FBXO25: variants seen among roughly 807,000 people sequenced by gnomAD.
The protein encoded by FBXO25 is F-box protein 25.
Under a neutral mutation model 51.9 loss-of-function variants are expected in FBXO25, and 45 were observed. The observed-to-expected ratio is 0.87, with a 90% confidence interval of 0.68 to 1.11. The LOEUF is 1.11. FBXO25 is among the 50% of genes most tolerant of loss of function. The pLI, the probability that FBXO25 is intolerant of heterozygous loss-of-function variation, is 0.00. For synonymous variants in FBXO25, 199 were observed against 151.0 expected, an observed-to-expected ratio of 1.32 and a Z score of -2.33; for missense variants, 507 against 428.5, an observed-to-expected ratio of 1.18 and a Z score of -1.62.
chr8:436,505 G>A (rs1208913064), intron 5 of FBXO25, among the ~76,000 whole-genome samples: 1 of 152,228 alleles, frequency 6.6e-6, no homozygotes, highest in Non-Finnish European at 1.5e-5. Context: ...CTTCTGAGCA[G>A]AATTTCCAGG....
rs570785467 is a variant in FBXO25, at chr8:473,574, C to G, written c.*4770C>G. ...GTACTTGGTCCTCTTCCTTCCAATC[C>G]TCACTGGCTCAAATCCACAGAGTGA... On this transcript the variant is annotated 3_prime_UTR_variant, in exon 10 of 10. Transcript: ENST00000350302. 1 of 152,292 alleles carries G rather than the reference C, an allele frequency of 6.6e-6. No individual in the cohort carries two copies. The allele number at this position is 152,292 out of a possible 1,614,324, so 9.4% of individuals were successfully genotyped here.
intron 2 of FBXO25, among the ~76,000 whole-genome samples, chr8:420,834 G>T (rs1797107395): frequency 6.6e-6 from 1 of 152,186 alleles, no homozygotes; most frequent in African/African-American, 2.4e-5. Flanking sequence ...GGAGTGATGG[G>T]ACTGTGTTAG....
chr8:451,231 A>T, intron 6 of FBXO25, 38 bp from the exon 7 acceptor site: 1 of 1,548,930 alleles, frequency 6.5e-7, no homozygotes, highest in South Asian at 1.2e-5. Flanking sequence ...GTGTTGCTTA[A>T]CTGTATCAAT....
At chr8:407,724 C>T (rs904865235) in intron 1 of FBXO25, among the ~76,000 whole-genome samples, 6 of 151,960 alleles carry the variant, frequency 3.9e-5, no homozygotes, top group African/African-American at 9.7e-5. Context: ...CACTCTGCCC[C>T]GTCTGCTGCT....
In FBXO25 at chr8:426,431, G is replaced by C. The variant is rs576545712; in HGVS notation, c.135-4910G>C. On this transcript the variant is annotated intron_variant, in intron 2 of 9. Coordinates refer to ENST00000350302, the MANE Select transcript of FBXO25 (RefSeq NM_183420.2). ...CACGAGTCCAGTTTTCATCATTTCT[G>C]ATTTTACAGACATGCATTCTTAAGG... is the stretch of plus-strand genomic sequence containing the variant. Among the ~76,000 whole-genome samples the C allele has an allele frequency of 5.9e-5, 9 of 151,930 alleles. No individual in the cohort carries two copies. In the East Asian group the frequency reaches 1.6e-3, roughly 26 times the overall value.
chr8:442,038 C>A (rs1798456557), intron 5 of FBXO25, among the ~76,000 whole-genome samples: 1 of 152,118 alleles, frequency 6.6e-6, no homozygotes, highest in African/African-American at 2.4e-5. Context: ...TTAGATGGAA[C>A]TGTTGAAAAG....
At chr8:462,946 C>G in intron 8 of FBXO25, 61 bp from the exon 9 acceptor site, 4 of 1,537,050 alleles carry the variant, frequency 2.6e-6, no homozygotes, top group East Asian at 2.3e-5. Flanking sequence ...AAGTTTTACA[C>G]CTAATATTAT....
At chr8:428,841 T>A (rs1797649499) in intron 2 of FBXO25, among the ~76,000 whole-genome samples, 1 of 152,194 alleles carries the variant, frequency 6.6e-6, no homozygotes, top group Non-Finnish European at 1.5e-5. Flanking sequence ...GTCCTCAAGT[T>A]TCAGCCCTGT....
In FBXO25 at chr8:475,550, C is replaced by T. The variant is rs1011020575; in HGVS notation, c.*6746C>T. The T allele has an allele frequency of 6.6e-6, 1 of 152,114 alleles. No homozygotes were observed. The highest frequency in any genetic ancestry group is 1.5e-5 in the Non-Finnish European group (1 of 68,018). The allele number at this position is 152,114 out of a possible 1,614,324, so 9.4% of individuals were successfully genotyped here. A position where few individuals can be genotyped will look rare whatever the true frequency, so the allele number is the denominator to read the frequency against. ...CATCTTAAGGTATCCAATCCATAAA[C>T]ACGGGATTGCTTTCTATTTATTTGT... On this transcript the variant is annotated 3_prime_UTR_variant, in exon 10 of 10. Transcript: ENST00000350302.
At chr8:423,483 C>G (rs746832574) in intron 2 of FBXO25, among the ~76,000 whole-genome samples, 5 of 151,612 alleles carry the variant, frequency 3.3e-5, no homozygotes, top group Non-Finnish European at 4.4e-5. Context: ...GTCTGTTGTT[C>G]CCATGTTTGT....
chr8:426,096 T>A (rs1383965723), intron 2 of FBXO25, among the ~76,000 whole-genome samples: 1 of 152,156 alleles, frequency 6.6e-6, no homozygotes, highest in African/African-American at 2.4e-5. Context: ...AACCATGGCA[T>A]GCTGCACTTT....
chr8:458,461 C>G lies in FBXO25; in HGVS notation c.753C>G (p.Thr251=), dbSNP rs745767680. The change falls in exon 8 of 10, where the codon ACC becomes ACG. Residue 251 remains threonine, a synonymous_variant. Coordinates refer to ENST00000350302, the MANE Select transcript of FBXO25 (RefSeq NM_183420.2). ...YRFSDGWDII[T]LGQVTPTLYM... Reference sequence around the variant, plus strand: ...TCTCAGACGGATGGGACATCATCACCTTAGGCCAGGTGACCCCCACGTTGT... The same window carrying G: ...TCTCAGACGGATGGGACATCATCACGTTAGGCCAGGTGACCCCCACGTTGT... 3.7e-6 allele frequency: 6 copies of G among 1,614,210 alleles called. No individual in the cohort carries two copies. Among genetic ancestry groups the G allele is most frequent in the Non-Finnish European group, 5.1e-6 (6 of 1,180,044 alleles).
At chr8:451,585 A>G in intron 7 of FBXO25, 132 bp downstream of exon 7, 1 of 908,456 alleles carries the variant, frequency 1.1e-6, no homozygotes, top group Non-Finnish European at 1.6e-6. Flanking sequence ...TATTCATTAA[A>G]TTGTTTTAAA....
At position 444,471 on chromosome 8, in the gene FBXO25, C is replaced by T. The variant is rs568888452; in HGVS notation, c.382-5519C>T. 3.5e-4 allele frequency among the ~76,000 whole-genome samples: 53 copies of T among 152,234 alleles called. 2 individuals are homozygous for T. Among genetic ancestry groups the T allele is most frequent in the Non-Finnish European group, 7.2e-4 (49 of 68,008 alleles). ...TTATATTACCACCAGAGAGTTTGGCCTTTAAGATCTCTAATTCTTTGAAAT... is the reference window on the plus strand; with the variant it reads ...TTATATTACCACCAGAGAGTTTGGCTTTTAAGATCTCTAATTCTTTGAAAT... On this transcript the variant is annotated intron_variant, in intron 5 of 9. Transcript: ENST00000350302.
At chr8:459,375 A>G (rs10093688) in intron 8 of FBXO25, among the ~76,000 whole-genome samples, 43,740 of 152,120 alleles carry the variant, frequency 0.29, 6,888 homozygotes, top group African/African-American at 0.41. Context: ...GCCGGACCCT[A>G]GCATGGGGAG....
chr8:423,725 A>G (rs1797296490), intron 2 of FBXO25, among the ~76,000 whole-genome samples: 1 of 152,170 alleles, frequency 6.6e-6, no homozygotes, highest in Admixed American at 6.5e-5. Context: ...CTGTGTCTTT[A>G]CTATTGTTAA....
rs199584419 is a variant in FBXO25, at chr8:458,563, G to A, written c.843+12G>A. ...TTGCTGAAAAGCAGGTGAGTGGGAT[G>A]CAGCAGTCTCCCCTCAGGCTGGGAG... On this transcript the variant is annotated intron_variant, in intron 8 of 9. Transcript: ENST00000350302. The A allele has an allele frequency of 6.2e-7, 1 of 1,612,768 alleles. No individual in the cohort carries two copies. The highest frequency in any genetic ancestry group is 8.5e-7 in the Non-Finnish European group (1 of 1,179,118).
At chr8:420,687 G>A (rs117881946) in intron 2 of FBXO25, among the ~76,000 whole-genome samples, 9 of 152,174 alleles carry the variant, frequency 5.9e-5, no homozygotes, top group African/African-American at 1.2e-4. Flanking sequence ...CCTAAAAGGC[G>A]TCCATACTGT....
intron 1 of FBXO25, 45 bp from the exon 2 acceptor site, chr8:413,028 T>C (rs1584997968): frequency 2.6e-5 from 35 of 1,340,670 alleles, no homozygotes; most frequent in Non-Finnish European, 3.2e-5. Context: ...AAAGAAACTT[T>C]TATGAATTAT....
Sources: gnomAD v4.1 joint callset for allele counts (sites outside exome capture counted in the v4.1 genomes callset) on GRCh38, gnomAD v4.1.1 for gene constraint, MANE v1.5 for transcripts, NCBI Gene and HGNC (gene_info 2026-07-23, HGNC 2026-07-21) for gene names.